Variants in TMEFF2 observed in about 807,000 individuals in gnomAD.
The protein encoded by TMEFF2 is tomoregulin-2.
Under a neutral mutation model 53.8 loss-of-function variants are expected in TMEFF2, and 28 were observed. That is an observed-to-expected ratio of 0.52 (90% CI 0.39 to 0.71). TMEFF2 has a LOEUF of 0.71. Among genes scored for constraint, TMEFF2 ranks in the 30% least tolerant of loss-of-function variants. The pLI is 0.00. For missense variants in TMEFF2, 353 were observed against 455.2 expected (o/e 0.78, Z 2.04); for synonymous variants, 162 against 166.3 (o/e 0.97, Z 0.20).
In TMEFF2 at chr2:192,115,327, C is replaced by A. The variant is rs187806075; in HGVS notation, c.440-57552G>T. The stretch of plus-strand genomic sequence containing the variant: ...CTTCAGCAAAAGCTCCAAGAATACA[C>A]AAAATGGATTAAAGACTTAGACATA... On this transcript the variant is annotated intron_variant, in intron 4 of 9. Coordinates refer to ENST00000272771, the MANE Select transcript of TMEFF2 (RefSeq NM_016192.4). Among the ~76,000 whole-genome samples, 4 of 151,970 alleles carry A rather than the reference C, an allele frequency of 2.6e-5. No homozygotes were observed. In the East Asian group the frequency reaches 7.7e-4, roughly 29 times the overall value.
At chr2:192,093,659 T>C (rs993306578) in intron 4 of TMEFF2, among the ~76,000 whole-genome samples, 4 of 152,068 alleles carry the variant, frequency 2.6e-5, no homozygotes, top group East Asian at 1.9e-4. Flanking sequence ...GGAATCTCCA[T>C]AGAAAATTGT....
intron 7 of TMEFF2, among the ~76,000 whole-genome samples, chr2:191,959,898 TGA>T (rs1247924971): frequency 6.6e-6 from 1 of 152,152 alleles, no homozygotes; most frequent in Non-Finnish European, 1.5e-5. Flanking sequence ...TTTTTTAGTT[TGA>T]GAGTCTTACT....
chr2:191,961,671 T>C (rs986361924), intron 7 of TMEFF2, among the ~76,000 whole-genome samples: 2 of 152,194 alleles, frequency 1.3e-5, no homozygotes, highest in African/African-American at 2.4e-5. Flanking sequence ...CATTGTTGGT[T>C]AGAGTTGGTT....
intron 4 of TMEFF2, among the ~76,000 whole-genome samples, chr2:192,087,658 T>G (rs1688697300): frequency 6.6e-6 from 1 of 152,130 alleles, no homozygotes; most frequent in East Asian, 1.9e-4. Context: ...CCGTTATAAC[T>G]AGATACAATA....
intron 4 of TMEFF2, among the ~76,000 whole-genome samples, chr2:192,119,139 T>C (rs1689486030): frequency 6.6e-6 from 1 of 152,188 alleles, no homozygotes; most frequent in African/African-American, 2.4e-5. Flanking sequence ...AAATCAAGTA[T>C]GTTGTCCAAC....
intron 9 of TMEFF2, among the ~76,000 whole-genome samples, chr2:191,951,894 G>A (rs1163471962): frequency 1.3e-5 from 2 of 151,966 alleles, no homozygotes; most frequent in African/African-American, 4.8e-5. Flanking sequence ...CATGGAAAAT[G>A]AGTAAGTCTA....
intron 4 of TMEFF2, among the ~76,000 whole-genome samples, chr2:192,161,679 C>A (rs1254313643): frequency 6.6e-6 from 1 of 152,136 alleles, no homozygotes; most frequent in Admixed American, 6.5e-5. Flanking sequence ...AGAAAACAGG[C>A]TTTGGAGCCA....
At chr2:192,087,601 G>C (rs1574360973) in intron 4 of TMEFF2, among the ~76,000 whole-genome samples, 1 of 152,248 alleles carries the variant, frequency 6.6e-6, no homozygotes, top group East Asian at 1.9e-4. Flanking sequence ...ATTCACTCAA[G>C]CATGTTACCA....
intron 5 of TMEFF2, among the ~76,000 whole-genome samples, chr2:192,002,877 G>C (rs953451284): frequency 9.9e-5 from 15 of 151,976 alleles, no homozygotes; most frequent in Non-Finnish European, 2.9e-5. Context: ...TTGGGGAAAA[G>C]GAAATGTTGT....
At chr2:192,160,958 A>ACTCTGC (rs936509419) in intron 4 of TMEFF2, among the ~76,000 whole-genome samples, 19 of 152,082 alleles carry the variant, frequency 1.2e-4, no homozygotes, top group Non-Finnish European at 1.6e-4. Context: ...TAGAGTCATC[A>ACTCTGC]CTCTGCCACG....
At chr2:192,129,619 G>C (rs1689764015) in intron 4 of TMEFF2, among the ~76,000 whole-genome samples, 1 of 152,172 alleles carries the variant, frequency 6.6e-6, no homozygotes, top group Non-Finnish European at 1.5e-5. Context: ...GTGCAGCATA[G>C]AATTAAGGAA....
chr2:192,169,212 A>G (rs1690847163), intron 4 of TMEFF2, among the ~76,000 whole-genome samples: 1 of 152,148 alleles, frequency 6.6e-6, no homozygotes. Flanking sequence ...AGAGACATGT[A>G]GTCCAACCAG....
intron 2 of TMEFF2, among the ~76,000 whole-genome samples, chr2:192,187,820 T>G (rs1180719920): frequency 6.6e-6 from 1 of 152,268 alleles, no homozygotes; most frequent in African/African-American, 2.4e-5. Context: ...CACACTAGAA[T>G]GCATGAAATT....
intron 6 of TMEFF2, among the ~76,000 whole-genome samples, chr2:191,998,741 A>G (rs1445456554): frequency 6.6e-6 from 1 of 152,062 alleles, no homozygotes; most frequent in Admixed American, 6.6e-5. Flanking sequence ...ATAAATTCTT[A>G]GATTCGTTTT....
At chr2:192,108,390 A>G (rs983149908) in intron 4 of TMEFF2, among the ~76,000 whole-genome samples, 1 of 151,958 alleles carries the variant, frequency 6.6e-6, no homozygotes, top group Non-Finnish European at 1.5e-5. Context: ...CTTTTTTTAA[A>G]TGAAAATAAA....
chr2:192,076,553 A>G (rs901163028), intron 4 of TMEFF2, among the ~76,000 whole-genome samples: 100 of 152,312 alleles, frequency 6.6e-4, no homozygotes, highest in African/African-American at 2.2e-3. Flanking sequence ...TGAGCTAAAT[A>G]AAGTCCCTGT....
chr2:192,180,910 TA>T (rs1483251981), intron 3 of TMEFF2, among the ~76,000 whole-genome samples: 1 of 151,794 alleles, frequency 6.6e-6, no homozygotes, highest in Non-Finnish European at 1.5e-5. Context: ...TTATAGGGTC[TA>T]ATACTATTAT....
At chr2:192,094,369 C>G (rs529173020) in intron 4 of TMEFF2, among the ~76,000 whole-genome samples, 1 of 152,194 alleles carries the variant, frequency 6.6e-6, no homozygotes, top group Admixed American at 6.5e-5. Flanking sequence ...GATGTACATA[C>G]AGCTAGGTTT....
At chr2:192,013,102 C>T (rs1686668556) in intron 5 of TMEFF2, among the ~76,000 whole-genome samples, 1 of 152,210 alleles carries the variant, frequency 6.6e-6, no homozygotes, top group East Asian at 1.9e-4. Flanking sequence ...AGAATCAGTC[C>T]CTTGCTCAAA....
Sources: gnomAD v4.1 joint callset for allele counts (sites outside exome capture counted in the v4.1 genomes callset) on GRCh38, gnomAD v4.1.1 for gene constraint, MANE v1.5 for transcripts, NCBI Gene and HGNC (gene_info 2026-07-23, HGNC 2026-07-21) for gene names.